Variants in PDE1C observed in about 807,000 individuals in gnomAD.
PDE1C encodes the protein phosphodiesterase 1C, also known as dual specificity calcium/calmodulin-dependent 3',5'-cyclic nucleotide phosphodiesterase 1C.
In PDE1C, 62 loss-of-function variants were observed where a neutral mutation model predicts 93.1. That is an observed-to-expected ratio of 0.67 (90% CI 0.54 to 0.82). The LOEUF is 0.82. Ranked by LOEUF, PDE1C falls within the 40% of genes least tolerant of loss-of-function variation. PDE1C has a pLI of 0.00. For synonymous variants in PDE1C, 325 were observed against 310.1 expected, an observed-to-expected ratio of 1.05 and a Z score of -0.50; for missense variants, 742 against 884.6, an observed-to-expected ratio of 0.84 and a Z score of 2.04.
chr7:31,671,073 A>G, the PDE1C span, among the ~76,000 whole-genome samples: 1 of 151,964 alleles, frequency 6.6e-6, no homozygotes, highest in African/African-American at 2.4e-5. Flanking sequence ...AATCCCCCAC[A>G]TTTGCCATCT....
chr7:31,733,558 AG>A, the PDE1C span, among the ~76,000 whole-genome samples: 1 of 152,246 alleles, frequency 6.6e-6, no homozygotes, highest in Non-Finnish European at 1.5e-5. Context: ...ATCAGAATCC[AG>A]GCTTTTGCAT....
intron 1 of PDE1C, among the ~76,000 whole-genome samples, chr7:32,062,344 A>C (rs1794912159): frequency 1.3e-5 from 2 of 152,152 alleles, no homozygotes; most frequent in Non-Finnish European, 1.5e-5. Flanking sequence ...CCCCTGGTGG[A>C]TGAAGTCGGA....
intron 1 of PDE1C, among the ~76,000 whole-genome samples, chr7:32,277,070 A>C (rs2128890223): frequency 6.6e-6 from 1 of 152,222 alleles, no homozygotes; most frequent in South Asian, 2.1e-4. Context: ...ACAACATGGC[A>C]AAACCCCATC....
At chr7:31,772,278 C>G (rs1480520788) in intron 17 of PDE1C, among the ~76,000 whole-genome samples, 4 of 152,154 alleles carry the variant, frequency 2.6e-5, no homozygotes, top group African/African-American at 9.7e-5. Flanking sequence ...TCTAGGCCAA[C>G]AGCTTCCTGT....
At position 31,826,485 on chromosome 7, in the gene PDE1C, C is replaced by A. The variant is rs540653173; in HGVS notation, c.1286-1498G>T. On this transcript the variant is annotated intron_variant, in intron 12 of 17. Coordinates refer to ENST00000396191, the MANE Select transcript of PDE1C (RefSeq NM_001191057.4). ...GCTGAAACTAAAGTATTTGATGACACCATTTTTGCCTTTTTTTTCCTGACA... is the reference window on the plus strand; with the variant it reads ...GCTGAAACTAAAGTATTTGATGACAACATTTTTGCCTTTTTTTTCCTGACA... Among the ~76,000 whole-genome samples, 6 of 152,198 alleles carry A rather than the reference C, an allele frequency of 3.9e-5. No homozygotes were observed. The South Asian group carries it at 1.0e-3, about 26-fold the overall frequency.
At chr7:31,671,835 G>A in the PDE1C span, among the ~76,000 whole-genome samples, 6 of 152,132 alleles carry the variant, frequency 3.9e-5, no homozygotes, top group Admixed American at 3.9e-4. Flanking sequence ...AGATCTAATA[G>A]AACACCGGAA....
intron 1 of PDE1C, among the ~76,000 whole-genome samples, chr7:32,414,647 G>C (rs1462554777): frequency 6.6e-6 from 1 of 152,074 alleles, no homozygotes; most frequent in African/African-American, 2.4e-5. Flanking sequence ...GATCAGAATG[G>C]CAACTTCACA....
chr7:32,298,848 G>T (rs1330470839), exon 1 of PDE1C: 14 of 1,419,334 alleles, frequency 9.9e-6, no homozygotes, highest in Non-Finnish European at 1.2e-5. Context: ...CGGCCGCGCC[G>T]CGCTGTCACT....
chr7:32,229,388 T>G (rs1232908638), intron 1 of PDE1C, among the ~76,000 whole-genome samples: 1 of 152,196 alleles, frequency 6.6e-6, no homozygotes, highest in Non-Finnish European at 1.5e-5. Context: ...TGTGAAAATT[T>G]TGCAACAGAA....
upstream of PDE1C, among the ~76,000 whole-genome samples, chr7:32,074,252 T>C (rs965669038): frequency 1.3e-5 from 2 of 152,284 alleles, no homozygotes; most frequent in African/African-American, 2.4e-5. Context: ...TTTGAAGGCA[T>C]GAGAATGACC....
chr7:32,388,537 G>C (rs932531276), intron 1 of PDE1C, among the ~76,000 whole-genome samples: 1 of 151,856 alleles, frequency 6.6e-6, no homozygotes, highest in Non-Finnish European at 1.5e-5. Flanking sequence ...AAAATTAGCC[G>C]AGCATGGGGG....
chr7:31,993,793 A>G lies in PDE1C; in HGVS notation c.128+57761T>C, dbSNP rs528825684. Among the ~76,000 whole-genome samples, 9 of 152,336 alleles carry G rather than the reference A, an allele frequency of 5.9e-5. No individual in the cohort carries two copies. The South Asian group carries it at 1.9e-3, about 32-fold the overall frequency. On this transcript the variant is annotated intron_variant, in intron 2 of 17. Transcript: ENST00000396191. ...CTTTGTGATATTGACACGTCTTTTA[A>G]TCTTTCTCAGTTTCTTCCTCATCAG...
intron 2 of PDE1C, among the ~76,000 whole-genome samples, chr7:32,192,095 T>C (rs948159289): frequency 6.6e-6 from 1 of 152,206 alleles, no homozygotes; most frequent in Non-Finnish European, 1.5e-5. Context: ...TTGAGAATTC[T>C]TTATACATTC....
chr7:32,158,731 T>C (rs976980789), intron 3 of PDE1C, among the ~76,000 whole-genome samples: 3 of 152,216 alleles, frequency 2.0e-5, no homozygotes, highest in Non-Finnish European at 4.4e-5. Flanking sequence ...CATGGAAATA[T>C]AATTCCTAAT....
At chr7:32,154,442 T>A (rs551258898) in intron 3 of PDE1C, among the ~76,000 whole-genome samples, 1 of 152,232 alleles carries the variant, frequency 6.6e-6, no homozygotes, top group Non-Finnish European at 1.5e-5. Flanking sequence ...AGTGATAATA[T>A]TTTACAAGAC....
chr7:31,966,640 A>C (rs1472594964), intron 2 of PDE1C, among the ~76,000 whole-genome samples: 6 of 152,222 alleles, frequency 3.9e-5, no homozygotes, highest in African/African-American at 1.4e-4. Flanking sequence ...CTCTACCCTA[A>C]ATCAACAGAG....
At chr7:31,620,291 G>C in the PDE1C span, among the ~76,000 whole-genome samples, 2 of 152,022 alleles carry the variant, frequency 1.3e-5, no homozygotes, top group African/African-American at 4.8e-5. Flanking sequence ...ATCTGAGAAC[G>C]GGCAGACTGC....
At chr7:31,617,588 A>G in the PDE1C span, among the ~76,000 whole-genome samples, 51 of 152,302 alleles carry the variant, frequency 3.3e-4, no homozygotes, top group African/African-American at 1.2e-3. Context: ...AGTCTCTTCC[A>G]TTAACAGCAG....
At position 32,067,069 on chromosome 7, in the gene PDE1C, G is replaced by C. The variant is rs866490165; in HGVS notation, c.101+3224C>G. Among the ~76,000 whole-genome samples, 27 of 152,242 alleles carry C rather than the reference G, an allele frequency of 1.8e-4. 2 individuals are homozygous for C. The South Asian group carries it at 3.5e-3, about 20-fold the overall frequency. On this transcript the variant is annotated intron_variant, in intron 1 of 17. Transcript: ENST00000396191. ...TTAGTGTGCAGAACCTCGCTCAAGGGGCATGGGCGCCATCATCATAACAGA... is the reference window on the plus strand; with the variant it reads ...TTAGTGTGCAGAACCTCGCTCAAGGCGCATGGGCGCCATCATCATAACAGA...
Sources: allele counts gnomAD v4.1 joint callset (sites outside exome capture counted in the v4.1 genomes callset), GRCh38; gene constraint gnomAD v4.1.1; transcripts MANE v1.5; gene names NCBI Gene and HGNC (gene_info 2026-07-23, HGNC 2026-07-21).